Variants in SLC4A7 observed in about 807,000 individuals in gnomAD.
The protein encoded by SLC4A7 is sodium bicarbonate cotransporter 3.
Under a neutral mutation model 137.6 loss-of-function variants are expected in SLC4A7, and 51 were observed. The observed-to-expected ratio is 0.37, with a 90% CI of 0.30 to 0.47. The LOEUF (loss-of-function observed/expected upper bound fraction) is 0.47. Among genes scored for constraint, SLC4A7 ranks in the 20% least tolerant of loss-of-function variants. The pLI is 1.00. For missense variants in SLC4A7, 1,247 were observed against 1,525.4 expected, an observed-to-expected ratio of 0.82 and a Z score of 3.04; for synonymous variants, 542 against 518.6, an observed-to-expected ratio of 1.05 and a Z score of -0.61.
intron 12 of SLC4A7, among the ~76,000 whole-genome samples, chr3:27,410,530 T>C (rs987007504): frequency 6.6e-6 from 1 of 152,210 alleles, no homozygotes; most frequent in South Asian, 2.1e-4. Flanking sequence ...CAAGTAGTAC[T>C]CTGTTCATAA....
At chr3:27,480,056 A>T (rs551848925) in intron 1 of SLC4A7, among the ~76,000 whole-genome samples, 1 of 152,324 alleles carries the variant, frequency 6.6e-6, no homozygotes, top group East Asian at 1.9e-4. Context: ...CATCCCACTA[A>T]AATAATACAC....
intron 16 of SLC4A7, among the ~76,000 whole-genome samples, chr3:27,399,527 T>G (rs1008598284): frequency 3.3e-5 from 5 of 152,178 alleles, no homozygotes; most frequent in African/African-American, 9.7e-5. Context: ...CTCCAACTCC[T>G]GGGCTCAAGT....
In SLC4A7 at chr3:27,398,348, A is replaced by G; in HGVS notation, c.2433T>C (p.Cys811=). ...ISWRNLTVSE[C]KKLRGVFLGS... ...CCAAGAATACACCACGAAGTTTTTT[A>G]CATTCCTGGAAAAAAGGAGAAAGAA... Residue 811 remains cysteine, a synonymous_variant, in exon 17 of 26, where the codon TGT becomes TGC. Transcript: ENST00000454389. 6.3e-7 allele frequency: 1 copy of G among 1,590,432 alleles called. No individual in the cohort carries two copies. The highest frequency in any genetic ancestry group is 8.5e-7 in the Non-Finnish European group (1 of 1,171,506).
chr3:27,477,646 TTGCCCAGGAA>T (rs1394353598), intron 1 of SLC4A7, among the ~76,000 whole-genome samples: 1 of 152,182 alleles, frequency 6.6e-6, no homozygotes, highest in Non-Finnish European at 1.5e-5. Context: ...TCTTGCTCTG[TTGCCCAGGAA>T]TGCAGTGGCG....
intron 1 of SLC4A7, among the ~76,000 whole-genome samples, chr3:27,457,399 A>G (rs796295593): frequency 2.6e-5 from 4 of 152,148 alleles, no homozygotes; most frequent in African/African-American, 9.7e-5. Flanking sequence ...CTGGATTCTC[A>G]TATCTACTTC....
intron 1 of SLC4A7, chr3:27,457,069 C>T (rs1388621749): frequency 3.0e-6 from 1 of 329,562 alleles, no homozygotes; most frequent in Non-Finnish European, 4.3e-6. Flanking sequence ...AACCAAAAAA[C>T]AAAGTATTAA....
intron 13 of SLC4A7, among the ~76,000 whole-genome samples, chr3:27,406,193 T>A (rs1348446824): frequency 6.6e-6 from 1 of 152,204 alleles, no homozygotes; most frequent in African/African-American, 2.4e-5. Flanking sequence ...CATGGCCATA[T>A]CTTAACCTTT....
At chr3:27,465,814 C>T (rs1449594158) in intron 1 of SLC4A7, among the ~76,000 whole-genome samples, 3 of 151,606 alleles carry the variant, frequency 2.0e-5, no homozygotes, top group African/African-American at 7.3e-5. Context: ...ATTAGCCAGG[C>T]GTGGTGGCTG....
At chr3:27,472,842 G>A (rs899628791) in intron 1 of SLC4A7, among the ~76,000 whole-genome samples, 1 of 152,214 alleles carries the variant, frequency 6.6e-6, no homozygotes, top group African/African-American at 2.4e-5. Flanking sequence ...CACTTTGGGA[G>A]GCCGAGGCGG....
At chr3:27,423,382 A>T (rs796409231) in intron 8 of SLC4A7, among the ~76,000 whole-genome samples, 9 of 152,362 alleles carry the variant, frequency 5.9e-5, no homozygotes, top group African/African-American at 1.9e-4. Context: ...TCAATTGTTC[A>T]TAAGAAATAC....
chr3:27,460,706 TG>T (rs2058652745), intron 1 of SLC4A7, among the ~76,000 whole-genome samples: 1 of 152,196 alleles, frequency 6.6e-6, no homozygotes, highest in Non-Finnish European at 1.5e-5. Context: ...GATGAATATA[TG>T]GGTGATAAAG....
At chr3:27,389,871 T>TA (rs1318883156) in intron 22 of SLC4A7, 60 bp downstream of exon 22, 17 of 1,232,354 alleles carry the variant, frequency 1.4e-5, no homozygotes, top group Non-Finnish European at 1.9e-5. Flanking sequence ...TAAATATTAA[T>TA]AAAAAATTAC....
In SLC4A7 at chr3:27,480,714, C is replaced by CA. The variant is rs1007603951; in HGVS notation, c.60+3352dup. 6.6e-5 allele frequency among the ~76,000 whole-genome samples: 10 copies of CA among 151,354 alleles called. 1 individual carries two copies. Among genetic ancestry groups the CA allele is most frequent in the African/African-American group, 1.7e-4 (7 of 41,286 alleles). ...AACAGAATGCCTACTTACAGACCCA[C>CA]AAAAAAAAACTTCCATTTGCCAATC... On this transcript the variant is annotated intron_variant, in intron 1 of 25. Transcript: ENST00000454389.
At chr3:27,384,797 T>C (rs2050770877) in intron 23 of SLC4A7, among the ~76,000 whole-genome samples, 1 of 151,922 alleles carries the variant, frequency 6.6e-6, no homozygotes, top group Non-Finnish European at 1.5e-5. Flanking sequence ...ACCCTGTCTC[T>C]ACTAAAAGTA....
chr3:27,441,939 A>C (rs1200599092), intron 3 of SLC4A7, among the ~76,000 whole-genome samples: 2 of 151,344 alleles, frequency 1.3e-5, no homozygotes, highest in African/African-American at 4.9e-5. Context: ...TCTGTCACCC[A>C]GGCTGGAGTG....
chr3:27,410,185 A>C (rs1000583065), intron 12 of SLC4A7, among the ~76,000 whole-genome samples: 8 of 152,244 alleles, frequency 5.3e-5, no homozygotes, highest in African/African-American at 1.9e-4. Flanking sequence ...TGTACATCAA[A>C]GCTGTACCAT....
chr3:27,451,964 A>C (rs540032842), intron 2 of SLC4A7, among the ~76,000 whole-genome samples: 13 of 152,274 alleles, frequency 8.5e-5, no homozygotes, highest in Middle Eastern at 6.8e-3. Context: ...CTGTCTAAGG[A>C]AGAAAGATGG....
At chr3:27,398,854 T>C (rs1366737225) in intron 16 of SLC4A7, among the ~76,000 whole-genome samples, 2 of 152,186 alleles carry the variant, frequency 1.3e-5, no homozygotes, top group Admixed American at 1.3e-4. Context: ...GTCTTTAGCT[T>C]TTCTGACTTG....
chr3:27,461,328 G>A (rs1219868152), intron 1 of SLC4A7, among the ~76,000 whole-genome samples: 1 of 151,860 alleles, frequency 6.6e-6, no homozygotes, highest in African/African-American at 2.4e-5. Flanking sequence ...GAACCCAGAA[G>A]GCGGAGGTTG....
Sources: gnomAD v4.1 joint callset for allele counts (sites outside exome capture counted in the v4.1 genomes callset) on GRCh38, gnomAD v4.1.1 for gene constraint, MANE v1.5 for transcripts, NCBI Gene and HGNC (gene_info 2026-07-23, HGNC 2026-07-21) for gene names.